ZNF813: variants seen among roughly 807,000 people sequenced by gnomAD.
ZNF813 encodes zinc finger protein 813.
A neutral mutation model predicts 7.2 loss-of-function variants in ZNF813; 3 were observed. The ratio of observed to expected loss-of-function variants is 0.42; its 90% CI spans 0.19 to 1.08. The LOEUF (loss-of-function observed/expected upper bound fraction) is 1.08. ZNF813 is among the 50% of genes least tolerant of loss of function. The pLI is 0.30. For missense variants in ZNF813, 714 were observed against 753.3 expected, an observed-to-expected ratio of 0.95 and a Z score of 0.61; for synonymous variants, 227 against 256.3, an observed-to-expected ratio of 0.89 and a Z score of 1.09.
In ZNF813 at chr19:53,492,028, G is replaced by A; in HGVS notation, c.1796G>A (p.Arg599Lys). ...NQKANLARHH[R>K]LHTGEKPYKF... is the part of the protein sequence containing the mutation. Reference sequence around the variant, plus strand: ...AAAGCAAACCTTGCACGTCATCATAGACTTCATACTGGAGAGAAACCTTAC... The same window carrying A: ...AAAGCAAACCTTGCACGTCATCATAAACTTCATACTGGAGAGAAACCTTAC... The change falls in exon 4 of 4, where the codon AGA becomes AAA. Residue 599 changes from arginine (R) to lysine (K), a missense_variant. Physicochemically the swap from Arg to Lys is conservative, Grantham distance 26. Around this residue, in one of 3 missense-constraint regions of ZNF813, gnomAD observed 122 missense variants for 146.8 expected, o/e 0.83. Coordinates refer to ENST00000396403, the MANE Select transcript of ZNF813 (RefSeq NM_001004301.4). The A allele has an allele frequency of 6.2e-7, 1 of 1,613,896 alleles. No homozygotes were observed. The highest frequency in any genetic ancestry group is 1.3e-5 in the African/African-American group (1 of 74,988).
chr19:53,490,268 A>G (rs777876020), intron 3 of ZNF813, 107 bp from the exon 4 acceptor site: 29 of 1,278,814 alleles, frequency 2.3e-5, no homozygotes, highest in Non-Finnish European at 3.0e-5. Context: ...TTTGAAGATC[A>G]TGTTGGGGAA....
chr19:53,470,368 T>C (rs74413871), intron 1 of ZNF813, among the ~76,000 whole-genome samples: 2 of 78,582 alleles, frequency 2.5e-5, no homozygotes, highest in African/African-American at 1.0e-4. Flanking sequence ...ATGCATATTT[T>C]TTTTTTAATT....
chr19:53,479,219 G>A, intron 1 of ZNF813: 1 of 879,394 alleles, frequency 1.1e-6, no homozygotes, highest in Non-Finnish European at 1.7e-6. Context: ...ACAGGTGTGA[G>A]CAACCACGCC....
intron 1 of ZNF813, among the ~76,000 whole-genome samples, chr19:53,472,814 G>A (rs568927012): frequency 4.8e-4 from 73 of 152,130 alleles, no homozygotes; most frequent in African/African-American, 1.8e-3. Flanking sequence ...GTTGTTCCAT[G>A]TTGGTGTGGC....
intron 1 of ZNF813, among the ~76,000 whole-genome samples, chr19:53,473,364 C>A (rs1343502141): frequency 6.6e-6 from 1 of 152,160 alleles, no homozygotes; most frequent in Non-Finnish European, 1.5e-5. Flanking sequence ...GGCTTGTCGT[C>A]CCCTCCAGCT....
intron 1 of ZNF813, among the ~76,000 whole-genome samples, chr19:53,481,018 G>A (rs1397841616): frequency 6.6e-6 from 1 of 152,208 alleles, no homozygotes; most frequent in East Asian, 1.9e-4. Context: ...CAGGTGGTGA[G>A]GATGTGGGGG....
chr19:53,486,988 T>A (rs12977070), intron 3 of ZNF813, among the ~76,000 whole-genome samples: 4 of 71,538 alleles, frequency 5.6e-5, no homozygotes, highest in African/African-American at 8.7e-5. Context: ...TTAGTTTTTT[T>A]TTTTTTTTTT....
chr19:53,471,073 T>C (rs1476319162), intron 1 of ZNF813, among the ~76,000 whole-genome samples: 4 of 152,188 alleles, frequency 2.6e-5, no homozygotes, highest in Non-Finnish European at 5.9e-5. Context: ...GTCTTTCTAG[T>C]CTTCTATTTT....
At chr19:53,489,779 A>T (rs2617670) in intron 3 of ZNF813, among the ~76,000 whole-genome samples, 40,673 of 151,390 alleles carry the variant, frequency 0.27, 6,439 homozygotes, top group African/African-American at 0.45. Flanking sequence ...GCTCACTGCA[A>T]CCTCTGCCTC....
In ZNF813 at chr19:53,478,461, C is replaced by T. The variant is rs186053323; in HGVS notation, c.-73-5289C>T. 2.6e-3 allele frequency among the ~76,000 whole-genome samples: 403 copies of T among 152,216 alleles called. 4 individuals are homozygous for T. The highest frequency in any genetic ancestry group is 9.4e-3 in the African/African-American group (391 of 41,534). ...TACTGGGATTACAGGGATGAGCCACCGCACCTAGCCTACATAGTACTTTTT... is the reference window on the plus strand; with the variant it reads ...TACTGGGATTACAGGGATGAGCCACTGCACCTAGCCTACATAGTACTTTTT... On this transcript the variant is annotated intron_variant, in intron 1 of 3. Coordinates refer to ENST00000396403, the MANE Select transcript of ZNF813 (RefSeq NM_001004301.4).
At chr19:53,468,783 A>G (rs60835653) in intron 1 of ZNF813, among the ~76,000 whole-genome samples, 25,879 of 151,626 alleles carry the variant, frequency 0.17, 2,236 homozygotes, top group East Asian at 0.23. Context: ...GAACGAATGG[A>G]AATGGTCAGC....
intron 1 of ZNF813, among the ~76,000 whole-genome samples, chr19:53,473,592 T>C (rs180939400): frequency 1.3e-4 from 20 of 152,278 alleles, no homozygotes; most frequent in African/African-American, 4.3e-4. Context: ...GATTACAATA[T>C]AGGGCCCATT....
rs113697031 is a variant in ZNF813 at position 53,492,473 on chromosome 19, C to T, written c.*387C>T. On this transcript the variant is annotated 3_prime_UTR_variant, in exon 4 of 4. Coordinates refer to ENST00000396403, the MANE Select transcript of ZNF813 (RefSeq NM_001004301.4). ...GAGAAACCATAAAATTGTAAGAGTT[C>T]GTGACAAGGCTTTCGGGCATGACTC... 362 of 420,142 alleles carry T rather than the reference C, an allele frequency of 8.6e-4. No homozygotes were observed. The highest frequency in any genetic ancestry group is 6.3e-3 in the African/African-American group (308 of 48,536). 26.0% of individuals were successfully genotyped at this position (420,142 alleles called of 1,614,324 possible).
rs896091094 is a variant in ZNF813 at position 53,493,598 on chromosome 19, A to G, written c.*1512A>G. On this transcript the variant is annotated 3_prime_UTR_variant, in exon 4 of 4. Transcript: ENST00000396403. Reference sequence around the variant, plus strand: ...TTTAAATTTTCTTTTAAAATTGTTTATTGTTAATGTATGGAAATTCAGCTA... The same window carrying G: ...TTTAAATTTTCTTTTAAAATTGTTTGTTGTTAATGTATGGAAATTCAGCTA... 6 of 152,168 alleles carry G rather than the reference A, an allele frequency of 3.9e-5. No homozygotes were observed. Among genetic ancestry groups the G allele is most frequent in the African/African-American group, 1.5e-4 (6 of 41,372 alleles). The allele number at this position is 152,168 out of a possible 1,614,324, so 9.4% of individuals were successfully genotyped here.
chr19:53,470,749 A>G (rs139861995), intron 1 of ZNF813, among the ~76,000 whole-genome samples: 132 of 151,298 alleles, frequency 8.7e-4, no homozygotes, highest in African/African-American at 2.9e-3. Context: ...AGTTATTTCT[A>G]TAACAGCCTT....
At chr19:53,483,333 T>C (rs759166969) in intron 1 of ZNF813, among the ~76,000 whole-genome samples, 78 of 151,994 alleles carry the variant, frequency 5.1e-4, no homozygotes, top group African/African-American at 2.2e-4. Context: ...GACACACAGA[T>C]GTGCACAACC....
intron 2 of ZNF813, 37 bp from the exon 3 acceptor site, chr19:53,486,595 C>T (rs2086435157): frequency 1.2e-6 from 2 of 1,613,960 alleles, no homozygotes; most frequent in Non-Finnish European, 1.7e-6. Context: ...AAGAACTCCT[C>T]CCATAACAAT....
intron 1 of ZNF813, among the ~76,000 whole-genome samples, chr19:53,469,634 A>G (rs1189976139): frequency 1.3e-5 from 2 of 151,516 alleles, no homozygotes; most frequent in African/African-American, 2.4e-5. Flanking sequence ...GATGAAGGAC[A>G]GCAAGGTAGG....
chr19:53,482,712 G>GTTTTTTTTTTTTTTTTTTTTTTTTTTTT (rs869250512), intron 1 of ZNF813, among the ~76,000 whole-genome samples: 1 of 89,090 alleles, frequency 1.1e-5, no homozygotes, highest in Non-Finnish European at 2.1e-5. Context: ...AATGCTTTTT[G>GTTTTTTTTTTTTTTTTTTTTTTTTTTTT]TTTTTTTTTT....
Sources: allele counts gnomAD v4.1 joint callset (sites outside exome capture counted in the v4.1 genomes callset), GRCh38; gene constraint gnomAD v4.1.1; regional missense constraint gnomAD v4.1.1; transcripts MANE v1.5; gene names NCBI Gene and HGNC (gene_info 2026-07-23, HGNC 2026-07-21).